FILIP1: variants seen among roughly 807,000 people sequenced by gnomAD.
FILIP1 encodes filamin-A-interacting protein 1.
FILIP1 carries 61 observed loss-of-function variants against 102.1 expected under a neutral mutation model. That is an observed-to-expected ratio of 0.60 (90% CI 0.49 to 0.74). The LOEUF is 0.74. Ranked by LOEUF, FILIP1 falls within the 30% of genes least tolerant of loss-of-function variation. FILIP1 has a pLI of 0.00. For synonymous variants in FILIP1, 491 were observed against 526.9 expected, an observed-to-expected ratio of 0.93 and a Z score of 0.93; for missense variants, 1,314 against 1,441.2, an observed-to-expected ratio of 0.91 and a Z score of 1.43.
intron 2 of FILIP1, among the ~76,000 whole-genome samples, chr6:75,409,029 A>T (rs1776968440): frequency 1.3e-5 from 2 of 152,218 alleles, no homozygotes; most frequent in African/African-American, 4.8e-5. Flanking sequence ...GTGTAAAAAA[A>T]ACCTTAAATT....
chr6:75,316,401 CTGAT>C (rs1156667649), intron 4 of FILIP1, among the ~76,000 whole-genome samples: 1 of 151,918 alleles, frequency 6.6e-6, no homozygotes, highest in Non-Finnish European at 1.5e-5. Flanking sequence ...ACTATTCTGA[CTGAT>C]TAATTTCATA....
intron 2 of FILIP1, among the ~76,000 whole-genome samples, chr6:75,391,451 C>A (rs747430051): frequency 1.1e-4 from 16 of 152,148 alleles, no homozygotes; most frequent in Non-Finnish European, 1.8e-4. Context: ...TCAAATCACA[C>A]ATCTACCCCA....
intron 2 of FILIP1, among the ~76,000 whole-genome samples, chr6:75,372,728 G>GAGAAAGAAAGAAAGAA (rs71002736): frequency 2.6e-4 from 16 of 61,384 alleles, no homozygotes; most frequent in East Asian, 5.0e-4. Flanking sequence ...GAAAGAGAAA[G>GAGAAAGAAAGAAAGAA]AGAAAGAAAG....
chr6:75,294,557 T>A (rs556568543), exon 7 of FILIP1: 33 of 152,338 alleles, frequency 2.2e-4, no homozygotes, highest in Non-Finnish European at 3.8e-4. Flanking sequence ...GTTGTGCTTT[T>A]TATCTTCAAA....
Position 75,313,099 on chromosome 6 carries a change from A to T in FILIP1, c.2733T>A (p.His911Gln), listed in dbSNP as rs1259762052. The T allele has an allele frequency of 6.2e-7, 1 of 1,614,156 alleles. No homozygotes were observed. Among genetic ancestry groups the T allele is most frequent in the Admixed American group, 1.7e-5 (1 of 60,030 alleles). ...TCTCGTGGTCTGGTGTCACTCGAATATGCAGGGGCTGGCCCTGCTTTGGTG... is the reference window on the plus strand; with the variant it reads ...TCTCGTGGTCTGGTGTCACTCGAATTTGCAGGGGCTGGCCCTGCTTTGGTG... Reference protein sequence around the residue: ...VLSPKQGQPLHIRVTPDHENS... With the variant: ...VLSPKQGQPLQIRVTPDHENS... The change falls in exon 5 of 6, where the codon CAT (histidine) becomes CAA (glutamine). Residue 911 changes from histidine to glutamine, a missense_variant. Physicochemically the swap from His to Gln is conservative, Grantham distance 24 (BLOSUM62 0). This residue lies in a region of FILIP1 where 816 missense variants were observed against 913.1 expected (regional missense o/e 0.89). Coordinates refer to ENST00000237172, the MANE Select transcript of FILIP1 (RefSeq NM_015687.5). The surrounding 1 kb of genome is among the most constrained non-coding windows in gnomAD (Gnocchi z 4.2).
At chr6:75,437,674 C>T (rs1165895610) in intron 1 of FILIP1, among the ~76,000 whole-genome samples, 1 of 152,180 alleles carries the variant, frequency 6.6e-6, no homozygotes, top group African/African-American at 2.4e-5. Context: ...TCTAATGGAA[C>T]AAGGAGAGAT....
intron 2 of FILIP1, among the ~76,000 whole-genome samples, chr6:75,401,758 T>C (rs559660207): frequency 2.2e-4 from 34 of 152,246 alleles, no homozygotes; most frequent in Non-Finnish European, 4.4e-4. Flanking sequence ...ATATCTCTCC[T>C]GGAAGTCTTC....
At chr6:75,430,714 G>T (rs978312986) in intron 1 of FILIP1, among the ~76,000 whole-genome samples, 1 of 152,198 alleles carries the variant, frequency 6.6e-6, no homozygotes, top group African/African-American at 2.4e-5. Flanking sequence ...TCTCATATCT[G>T]AGGATTAACT....
At chr6:75,471,814 T>A (rs1779340352) in intron 1 of FILIP1, among the ~76,000 whole-genome samples, 2 of 152,190 alleles carry the variant, frequency 1.3e-5, no homozygotes, top group African/African-American at 4.8e-5. Context: ...AAATAATGTA[T>A]ATATCATTTA....
chr6:75,390,953 T>G (rs916163716), intron 2 of FILIP1, among the ~76,000 whole-genome samples: 2 of 152,136 alleles, frequency 1.3e-5, no homozygotes, highest in African/African-American at 4.8e-5. Context: ...CCTCTCATGA[T>G]TCTGTCCTTC....
intron 6 of FILIP1, among the ~76,000 whole-genome samples, chr6:75,300,234 C>T (rs138372982): frequency 2.0e-4 from 31 of 152,272 alleles, no homozygotes; most frequent in Middle Eastern, 3.4e-3. Context: ...TATAACAAGA[C>T]GTTACATCAG....
chr6:75,434,748 G>A (rs766948634), intron 1 of FILIP1, among the ~76,000 whole-genome samples: 22 of 152,192 alleles, frequency 1.4e-4, no homozygotes, highest in Non-Finnish European at 3.1e-4. Context: ...GTGAGAGAGG[G>A]CATCCCTGTC....
At chr6:75,295,013 T>A (rs1265134292) in exon 7 of FILIP1, 1 of 151,934 alleles carries the variant, frequency 6.6e-6, no homozygotes, top group African/African-American at 2.4e-5. Context: ...TCTTATTTTT[T>A]AAAAAAGATC....
intron 4 of FILIP1, among the ~76,000 whole-genome samples, chr6:75,331,521 C>T (rs1444389371): frequency 1.3e-5 from 2 of 152,110 alleles, no homozygotes; most frequent in Non-Finnish European, 2.9e-5. Context: ...ATGTTAAATG[C>T]CATTTATCCT....
chr6:75,405,455 G>GA lies in FILIP1; in HGVS notation c.276+9241dup, dbSNP rs555024650. Among the ~76,000 whole-genome samples the GA allele has an allele frequency of 2.8e-4, 42 of 149,732 alleles. No homozygotes were observed. The South Asian group carries it at 6.0e-3, about 21-fold the overall frequency. On this transcript the variant is annotated intron_variant, in intron 2 of 5. Coordinates refer to ENST00000237172, the MANE Select transcript of FILIP1 (RefSeq NM_015687.5). Reference sequence around the variant, plus strand: ...CTAATTATTACCAAAAAAGAAAAAAGAAAAAAAAACATAAAGTTTTTCTAA... The same window carrying GA: ...CTAATTATTACCAAAAAAGAAAAAAGAAAAAAAAAACATAAAGTTTTTCTAA...
chr6:75,431,588 C>A (rs1166986737), intron 1 of FILIP1, among the ~76,000 whole-genome samples: 1 of 152,184 alleles, frequency 6.6e-6, no homozygotes, highest in Non-Finnish European at 1.5e-5. Context: ...CATATGCTGT[C>A]ATCTAATGAC....
At chr6:75,380,370 C>T (rs1775874886) in intron 2 of FILIP1, among the ~76,000 whole-genome samples, 2 of 143,352 alleles carry the variant, frequency 1.4e-5, no homozygotes, top group South Asian at 2.1e-4. Flanking sequence ...ATAAAATGTT[C>T]ATTAAGAAAC....
chr6:75,394,871 C>T (rs904195486), intron 2 of FILIP1, among the ~76,000 whole-genome samples: 1 of 152,076 alleles, frequency 6.6e-6, no homozygotes, highest in Non-Finnish European at 1.5e-5. Flanking sequence ...ATTTATATAC[C>T]ATTTGACCCA....
At chr6:75,352,290 A>AAACACAAAAGCAGACATGCTTGGT (rs1393024752) in intron 4 of FILIP1, among the ~76,000 whole-genome samples, 7 of 152,194 alleles carry the variant, frequency 4.6e-5, no homozygotes, top group Non-Finnish European at 1.0e-4. Context: ...TGCAAGCTCT[A>AAACACAAAAGCAGACATGCTTGGT]AACACAAAAG....
Sources: gnomAD v4.1 joint callset for allele counts (sites outside exome capture counted in the v4.1 genomes callset) on GRCh38, gnomAD v4.1.1 for gene constraint, gnomAD v4.1.1 regional missense constraint, Gnocchi (gnomAD v3.1) non-coding constraint, MANE v1.5 for transcripts, NCBI Gene and HGNC (gene_info 2026-07-23, HGNC 2026-07-21) for gene names.